Variants in RPS6KC1 observed in about 807,000 individuals in gnomAD.
RPS6KC1 encodes the protein ribosomal protein S6 kinase C1.
In RPS6KC1, 54 loss-of-function variants were observed where a neutral mutation model predicts 103.8. The ratio of observed to expected loss-of-function variants is 0.52; its 90% confidence interval spans 0.42 to 0.65. RPS6KC1 has a LOEUF of 0.65. RPS6KC1 is among the 30% of genes least tolerant of loss of function. The pLI is 0.00. For missense variants in RPS6KC1, 1,151 were observed against 1,253.8 expected (o/e 0.92, Z 1.24); for synonymous variants, 439 against 438.7 (o/e 1.00, Z -0.01).
chr1:213,335,038 G>A, the RPS6KC1 span, among the ~76,000 whole-genome samples: 7,278 of 152,102 alleles, frequency 0.048, 248 homozygotes, highest in Non-Finnish European at 0.069. Context: ...TGACTTCCGC[G>A]CCCCACCTCT....
chr1:213,422,702 A>G, the RPS6KC1 span, among the ~76,000 whole-genome samples: 2 of 152,344 alleles, frequency 1.3e-5, no homozygotes, highest in South Asian at 4.2e-4. Flanking sequence ...TCATCCTGAC[A>G]GTGGGCATCA....
chr1:213,304,011 C>T, the RPS6KC1 span, among the ~76,000 whole-genome samples: 1 of 151,092 alleles, frequency 6.6e-6, no homozygotes, highest in Non-Finnish European at 1.5e-5. Flanking sequence ...CGAGACCATC[C>T]CGGCTAAAAC....
the RPS6KC1 span, among the ~76,000 whole-genome samples, chr1:213,284,041 A>G: frequency 6.6e-6 from 1 of 152,206 alleles, no homozygotes; most frequent in African/African-American, 2.4e-5. Context: ...AGCATTCCAG[A>G]AAGATGTGTT....
rs777933579 is a variant in RPS6KC1 at position 213,176,420 on chromosome 1, A to C, written c.972A>C (p.Ser324=). 4 of 1,607,528 alleles carry C rather than the reference A, an allele frequency of 2.5e-6. No homozygotes were observed. Among genetic ancestry groups the C allele is most frequent in the Non-Finnish European group, 3.4e-6 (4 of 1,175,202 alleles). The change falls in exon 8 of 15, where the codon TCA becomes TCC. Residue 324 remains serine, a synonymous_variant. Transcript: ENST00000366960. ...DVSQPPGSLS[S]RPLWNLRSPA... is the part of the protein sequence containing the mutation. ...ATTAGCCTCCAGGATCACTAAGTTC[A>C]AGGCCCCTTTGGAACCTAAGGAGCC... is the stretch of plus-strand genomic sequence containing the variant.
chr1:213,433,310 C>T, the RPS6KC1 span, among the ~76,000 whole-genome samples: 811 of 152,282 alleles, frequency 5.3e-3, 2 homozygotes, highest in Non-Finnish European at 8.9e-3. Flanking sequence ...TCAAGTCTAC[C>T]CTCATAATCC....
the RPS6KC1 span, among the ~76,000 whole-genome samples, chr1:213,728,777 C>T: frequency 6.6e-6 from 1 of 152,008 alleles, no homozygotes; most frequent in African/African-American, 2.4e-5. Flanking sequence ...AGATGTGTCA[C>T]TCCTCCGCGC....
At chr1:213,412,427 C>G in the RPS6KC1 span, among the ~76,000 whole-genome samples, 1 of 152,196 alleles carries the variant, frequency 6.6e-6, no homozygotes, top group Admixed American at 6.5e-5. Flanking sequence ...TGGTCTAGTT[C>G]CTGACCACCT....
chr1:213,678,516 G>A, the RPS6KC1 span, among the ~76,000 whole-genome samples: 5 of 152,316 alleles, frequency 3.3e-5, no homozygotes, highest in South Asian at 2.1e-4. Flanking sequence ...TAAGGTCAGA[G>A]GCTCCCCAGA....
chr1:213,803,581 GA>G, the RPS6KC1 span, among the ~76,000 whole-genome samples: 10 of 152,098 alleles, frequency 6.6e-5, no homozygotes, highest in Non-Finnish European at 1.3e-4. Flanking sequence ...CTCAATCTAA[GA>G]GGGAGCTTCT....
chr1:213,773,479 CGATATATA>C, the RPS6KC1 span, among the ~76,000 whole-genome samples: 1 of 147,326 alleles, frequency 6.8e-6, no homozygotes, highest in African/African-American at 2.5e-5. Context: ...TATCATATAT[CGATATATA>C]GATATATAAT....
chr1:213,793,119 C>T, the RPS6KC1 span, among the ~76,000 whole-genome samples: 1 of 152,178 alleles, frequency 6.6e-6, no homozygotes, highest in East Asian at 1.9e-4. Flanking sequence ...CCAATCTCTT[C>T]CCAGGGAATT....
chr1:213,573,745 C>T, the RPS6KC1 span, among the ~76,000 whole-genome samples: 1 of 152,094 alleles, frequency 6.6e-6, no homozygotes, highest in East Asian at 1.9e-4. Context: ...TTTGAAGGGA[C>T]AGAGAGGTGG....
At chr1:213,786,964 G>A in the RPS6KC1 span, among the ~76,000 whole-genome samples, 4 of 152,094 alleles carry the variant, frequency 2.6e-5, no homozygotes, top group African/African-American at 2.4e-5. Flanking sequence ...TGGATTTCTT[G>A]GGAAAACAGT....
chr1:213,446,588 T>G, the RPS6KC1 span, among the ~76,000 whole-genome samples: 1 of 152,210 alleles, frequency 6.6e-6, no homozygotes, highest in Admixed American at 6.5e-5. Flanking sequence ...TGATAGTAGA[T>G]GTAAACCATA....
chr1:213,103,209 G>T (rs1413798444), intron 3 of RPS6KC1, among the ~76,000 whole-genome samples: 4 of 151,654 alleles, frequency 2.6e-5, no homozygotes, highest in Non-Finnish European at 5.9e-5. Context: ...AAGATTATCT[G>T]TGATAATGTT....
chr1:213,538,446 C>G, the RPS6KC1 span, among the ~76,000 whole-genome samples: 1 of 152,082 alleles, frequency 6.6e-6, no homozygotes, highest in African/African-American at 2.4e-5. Flanking sequence ...CCACCTATGC[C>G]GAGGGAGCAG....
intron 6 of RPS6KC1, among the ~76,000 whole-genome samples, chr1:213,152,183 T>G (rs1396609020): frequency 2.2e-4 from 27 of 124,164 alleles, no homozygotes; most frequent in African/African-American, 8.1e-4. Flanking sequence ...GGCGGGGGGC[T>G]GACCCCCCAC....
At chr1:213,681,586 T>A in the RPS6KC1 span, among the ~76,000 whole-genome samples, 1 of 152,030 alleles carries the variant, frequency 6.6e-6, no homozygotes, top group Admixed American at 6.6e-5. Context: ...CACTTGAGCC[T>A]GGGAGTTCAA....
the RPS6KC1 span, among the ~76,000 whole-genome samples, chr1:213,594,630 C>T: frequency 2.6e-5 from 4 of 152,310 alleles, no homozygotes; most frequent in South Asian, 8.3e-4. Context: ...TAATTAATCA[C>T]CTCCTATAAT....
Sources: allele counts gnomAD v4.1 joint callset (sites outside exome capture counted in the v4.1 genomes callset), GRCh38; gene constraint gnomAD v4.1.1; transcripts MANE v1.5; gene names NCBI Gene and HGNC (gene_info 2026-07-23, HGNC 2026-07-21).